GALNTL6: variants seen among roughly 807,000 people sequenced by gnomAD.
GALNTL6 encodes the protein polypeptide N-acetylgalactosaminyltransferase-like 6.
In GALNTL6, 46 loss-of-function variants were observed where a neutral mutation model predicts 73.7. That is an observed-to-expected ratio of 0.62 (90% CI 0.49 to 0.80). GALNTL6 has a LOEUF of 0.80. GALNTL6 is among the 30% of genes least tolerant of loss of function. The pLI is 0.00. For missense variants in GALNTL6, 604 were observed against 755.0 expected, an observed-to-expected ratio of 0.80 and a Z score of 2.34; for synonymous variants, 259 against 263.7, an observed-to-expected ratio of 0.98 and a Z score of 0.17.
intron 5 of GALNTL6, among the ~76,000 whole-genome samples, chr4:172,475,640 A>C (rs1451612023): frequency 6.6e-6 from 1 of 152,202 alleles, no homozygotes; most frequent in Non-Finnish European, 1.5e-5. Flanking sequence ...AATTCATATA[A>C]TCCTAGATTT....
chr4:172,057,338 C>G (rs1731045794), intron 2 of GALNTL6, among the ~76,000 whole-genome samples: 1 of 151,600 alleles, frequency 6.6e-6, no homozygotes, highest in Non-Finnish European at 1.5e-5. Flanking sequence ...CACTTGAGCC[C>G]AGGAGAGAGA....
chr4:172,906,658 G>A (rs1001576843), intron 8 of GALNTL6, among the ~76,000 whole-genome samples: 1 of 152,202 alleles, frequency 6.6e-6, no homozygotes, highest in African/African-American at 2.4e-5. Context: ...ATGGTTGTGG[G>A]ACTGAGCCCC....
chr4:172,821,142 TTAACTC>T (rs1210122952), intron 7 of GALNTL6, among the ~76,000 whole-genome samples: 2 of 152,226 alleles, frequency 1.3e-5, no homozygotes, highest in Non-Finnish European at 2.9e-5. Context: ...TATTATCTAA[TTAACTC>T]TATGTAATAA....
chr4:172,782,477 T>C (rs1337078046), intron 5 of GALNTL6, among the ~76,000 whole-genome samples: 2 of 152,084 alleles, frequency 1.3e-5, no homozygotes, highest in Non-Finnish European at 2.9e-5. Context: ...TTTACTGTCT[T>C]TTTCATTGGA....
chr4:172,697,966 T>A (rs1468344046), intron 5 of GALNTL6, among the ~76,000 whole-genome samples: 1 of 152,202 alleles, frequency 6.6e-6, no homozygotes, highest in East Asian at 1.9e-4. Context: ...TAAACCAATT[T>A]AAGACTCCTA....
chr4:171,914,132 G>A (rs956238238), intron 2 of GALNTL6, among the ~76,000 whole-genome samples: 2 of 152,070 alleles, frequency 1.3e-5, no homozygotes, highest in African/African-American at 4.8e-5. Flanking sequence ...TAGAGCAGAG[G>A]ACTGTAAAGG....
chr4:172,102,424 G>T (rs965332465), intron 2 of GALNTL6, among the ~76,000 whole-genome samples: 3 of 152,124 alleles, frequency 2.0e-5, no homozygotes, highest in Non-Finnish European at 4.4e-5. Context: ...CAAGAGTTGT[G>T]ACCCCTCAAA....
intron 2 of GALNTL6, among the ~76,000 whole-genome samples, chr4:172,175,439 A>C (rs1734959332): frequency 6.6e-6 from 1 of 152,186 alleles, no homozygotes; most frequent in Non-Finnish European, 1.5e-5. Context: ...TTGAGGAAGC[A>C]CGTAAGGGAT....
intron 5 of GALNTL6, among the ~76,000 whole-genome samples, chr4:172,604,229 A>G (rs1482217754): frequency 1.3e-5 from 2 of 152,218 alleles, no homozygotes; most frequent in Non-Finnish European, 2.9e-5. Context: ...GACAGAGGGA[A>G]AAGAGCAGAC....
At chr4:172,688,563 T>C (rs1461377073) in intron 5 of GALNTL6, among the ~76,000 whole-genome samples, 1 of 152,206 alleles carries the variant, frequency 6.6e-6, no homozygotes, top group Non-Finnish European at 1.5e-5. Flanking sequence ...CCATAATGTT[T>C]ATAGAGAGAT....
intron 5 of GALNTL6, among the ~76,000 whole-genome samples, chr4:172,638,778 G>T (rs1437647252): frequency 6.6e-6 from 1 of 151,956 alleles, no homozygotes; most frequent in Non-Finnish European, 1.5e-5. Context: ...TTTTACTATG[G>T]AATTTAATCT....
intron 5 of GALNTL6, among the ~76,000 whole-genome samples, chr4:172,417,233 A>G (rs1401242139): frequency 1.3e-5 from 2 of 151,726 alleles, no homozygotes; most frequent in African/African-American, 4.8e-5. Flanking sequence ...CATTTTTTTT[A>G]ATGTAGCTGT....
intron 5 of GALNTL6, among the ~76,000 whole-genome samples, chr4:172,519,192 A>G (rs1203668742): frequency 6.6e-6 from 1 of 150,708 alleles, no homozygotes; most frequent in Admixed American, 6.7e-5. Context: ...ATGTATAAAT[A>G]TATATTACTT....
At chr4:171,867,776 G>T (rs1246442564) in intron 2 of GALNTL6, among the ~76,000 whole-genome samples, 1 of 152,096 alleles carries the variant, frequency 6.6e-6, no homozygotes, top group African/African-American at 2.4e-5. Context: ...ATATATTGAT[G>T]AAATTAATAA....
intron 2 of GALNTL6, among the ~76,000 whole-genome samples, chr4:172,025,161 A>T (rs1340479396): frequency 6.6e-6 from 1 of 152,028 alleles, no homozygotes; most frequent in African/African-American, 2.4e-5. Flanking sequence ...ATGTTTCCAA[A>T]TAAGGGGCTC....
intron 5 of GALNTL6, among the ~76,000 whole-genome samples, chr4:172,554,063 G>A (rs576522553): frequency 4.6e-5 from 7 of 152,188 alleles, no homozygotes; most frequent in African/African-American, 1.7e-4. Context: ...TACCAGCTTG[G>A]GCTCAGCATC....
intron 5 of GALNTL6, among the ~76,000 whole-genome samples, chr4:172,460,643 C>T (rs1036444905): frequency 6.6e-6 from 1 of 152,176 alleles, no homozygotes; most frequent in Admixed American, 6.5e-5. Flanking sequence ...TCATTAGAGA[C>T]ATGCAAATCA....
intron 2 of GALNTL6, among the ~76,000 whole-genome samples, chr4:172,082,060 A>T (rs1460535890): frequency 6.6e-6 from 1 of 151,912 alleles, no homozygotes; most frequent in Non-Finnish European, 1.5e-5. Flanking sequence ...TATTTTTAGT[A>T]AAGATGGGGT....
At chr4:172,236,572 A>AAC (rs34678854) in intron 3 of GALNTL6, among the ~76,000 whole-genome samples, 1 of 151,290 alleles carries the variant, frequency 6.6e-6, no homozygotes, top group East Asian at 1.9e-4. Flanking sequence ...TAAAAAAAAA[A>AAC]AGTATATTAG....
Sources: gnomAD v4.1 joint callset for allele counts (sites outside exome capture counted in the v4.1 genomes callset) on GRCh38, gnomAD v4.1.1 for gene constraint, MANE v1.5 for transcripts, NCBI Gene and HGNC (gene_info 2026-07-23, HGNC 2026-07-21) for gene names.